The following MEOX2 variants were observed in gnomAD, a reference collection of about 807,000 sequenced individuals.
MEOX2 encodes homeobox protein MOX-2.
MEOX2 carries 11 observed loss-of-function variants against 27.0 expected under a neutral mutation model. That is an observed-to-expected ratio of 0.41 (90% CI 0.26 to 0.68). The LOEUF (loss-of-function observed/expected upper bound fraction) is 0.68, where lower values mean the gene tolerates loss of function less well. Among genes scored for constraint, MEOX2 ranks in the 30% least tolerant of loss-of-function variants. The pLI, the probability that MEOX2 is intolerant of heterozygous loss-of-function variation, is 0.33. For synonymous variants in MEOX2, 189 were observed against 155.4 expected (o/e 1.22, Z -1.61); for missense variants, 436 against 385.4 (o/e 1.13, Z -1.10).
chr7:15,662,317 G>T (rs1436847624), intron 1 of MEOX2, among the ~76,000 whole-genome samples: 2 of 151,760 alleles, frequency 1.3e-5, no homozygotes, highest in Non-Finnish European at 2.9e-5. Context: ...AGTTATAGGG[G>T]TTTTCAGTTC....
intron 1 of MEOX2, among the ~76,000 whole-genome samples, chr7:15,637,085 G>A (rs1781490516): frequency 6.6e-6 from 1 of 151,902 alleles, no homozygotes; most frequent in African/African-American, 2.4e-5. Flanking sequence ...ATATTCTGTT[G>A]GGTAAATTAT....
At chr7:15,684,277 CTGA>C (rs1231213987) in intron 1 of MEOX2, among the ~76,000 whole-genome samples, 1 of 152,148 alleles carries the variant, frequency 6.6e-6, no homozygotes, top group Non-Finnish European at 1.5e-5. Context: ...CAAAGTTACA[CTGA>C]TATCAAATGT....
intron 1 of MEOX2, among the ~76,000 whole-genome samples, chr7:15,678,510 A>G (rs1373967550): frequency 6.6e-6 from 1 of 152,210 alleles, no homozygotes; most frequent in African/African-American, 2.4e-5. Context: ...TTCATTGTTA[A>G]TTTGATAAGA....
chr7:15,657,034 G>T (rs1388863895), intron 1 of MEOX2, among the ~76,000 whole-genome samples: 1 of 151,852 alleles, frequency 6.6e-6, no homozygotes, highest in African/African-American at 2.4e-5. Flanking sequence ...TGACCTCCAT[G>T]GTTTTTAATG....
In MEOX2 at chr7:15,612,506, T is replaced by C; in HGVS notation, c.796A>G (p.Thr266Ala). ...EKELVNVKKG[T>A]LLPSELSGIG... ...CCCGACAGCTCTGATGGGAGAAGTG[T>C]TCCCTTTTTCACATTCACCAGTTCC... The change falls in exon 3 of 3, where the codon ACA becomes GCA. Residue 266 changes from threonine (T) to alanine (A), a missense_variant. Thr to Ala is a moderately conservative substitution (Grantham distance 58). Transcript: ENST00000262041. The C allele has an allele frequency of 6.2e-7, 1 of 1,614,120 alleles. No individual in the cohort carries two copies. The highest frequency in any genetic ancestry group is 1.1e-5 in the South Asian group (1 of 91,084).
chr7:15,685,820 C>A, intron 1 of MEOX2, 66 bp downstream of exon 1: 1 of 1,525,332 alleles, frequency 6.6e-7, no homozygotes, highest in South Asian at 1.3e-5. Flanking sequence ...GAGAATCTCC[C>A]CTAGTATCTC....
chr7:15,678,269 C>A (rs1362183093), intron 1 of MEOX2, among the ~76,000 whole-genome samples: 1 of 152,130 alleles, frequency 6.6e-6, no homozygotes, highest in Non-Finnish European at 1.5e-5. Context: ...CTCATTTTAT[C>A]TTTGAATAAT....
At chr7:15,661,520 A>G (rs1781917857) in intron 1 of MEOX2, among the ~76,000 whole-genome samples, 1 of 152,182 alleles carries the variant, frequency 6.6e-6, no homozygotes, top group African/African-American at 2.4e-5. Context: ...TCACTTTGCC[A>G]ATGGGAGGGA....
chr7:15,652,147 C>T (rs1781741084), intron 1 of MEOX2, among the ~76,000 whole-genome samples: 2 of 151,982 alleles, frequency 1.3e-5, no homozygotes, highest in African/African-American at 4.8e-5. Context: ...AATTCATTTT[C>T]GTTTGACTTT....
chr7:15,631,606 T>C (rs1583751491), intron 1 of MEOX2, among the ~76,000 whole-genome samples: 1 of 151,830 alleles, frequency 6.6e-6, no homozygotes, highest in South Asian at 2.1e-4. Context: ...TATTTAGGCT[T>C]ATGTTTACAC....
At chr7:15,673,693 A>G (rs575549812) in intron 1 of MEOX2, among the ~76,000 whole-genome samples, 1 of 152,102 alleles carries the variant, frequency 6.6e-6, no homozygotes, top group Non-Finnish European at 1.5e-5. Flanking sequence ...GTACCGATTA[A>G]GATGAGAGAT....
intron 1 of MEOX2, among the ~76,000 whole-genome samples, chr7:15,676,784 G>T (rs1160994426): frequency 2.0e-5 from 3 of 151,650 alleles, no homozygotes; most frequent in Non-Finnish European, 4.4e-5. Flanking sequence ...CTTGAACCCG[G>T]ACAGCAGAGG....
At chr7:15,655,737 T>C (rs1270172733) in intron 1 of MEOX2, among the ~76,000 whole-genome samples, 2 of 151,864 alleles carry the variant, frequency 1.3e-5, no homozygotes, top group Non-Finnish European at 3.0e-5. Flanking sequence ...ATTCCAATTC[T>C]TTTAAGTTTG....
intron 1 of MEOX2, among the ~76,000 whole-genome samples, chr7:15,658,727 C>A (rs1224363845): frequency 6.6e-6 from 1 of 152,062 alleles, no homozygotes; most frequent in African/African-American, 2.4e-5. Context: ...AGAAAAGATG[C>A]AAGAGAAATG....
intron 2 of MEOX2, among the ~76,000 whole-genome samples, chr7:15,620,011 G>C (rs953468810): frequency 2.0e-5 from 3 of 151,930 alleles, no homozygotes; most frequent in East Asian, 3.9e-4. Context: ...GTAGTTTTGA[G>C]TCTAGTTTTT....
At chr7:15,685,599 T>A (rs1273436027) in intron 1 of MEOX2, among the ~76,000 whole-genome samples, 1 of 152,182 alleles carries the variant, frequency 6.6e-6, no homozygotes, top group Admixed American at 6.5e-5. Context: ...CGCTTCACAA[T>A]CGATTTCACA....
At chr7:15,668,694 TC>T (rs1782049213) in intron 1 of MEOX2, among the ~76,000 whole-genome samples, 1 of 152,118 alleles carries the variant, frequency 6.6e-6, no homozygotes, top group Non-Finnish European at 1.5e-5. Context: ...CAGGCTCGTC[TC>T]GAACTCCTGA....
intron 1 of MEOX2, among the ~76,000 whole-genome samples, chr7:15,668,695 C>T (rs1317372586): frequency 6.6e-6 from 1 of 151,980 alleles, no homozygotes; most frequent in Non-Finnish European, 1.5e-5. Context: ...AGGCTCGTCT[C>T]GAACTCCTGA....
At chr7:15,632,624 G>C (rs570554331) in intron 1 of MEOX2, among the ~76,000 whole-genome samples, 1 of 151,946 alleles carries the variant, frequency 6.6e-6, no homozygotes, top group Admixed American at 6.6e-5. Flanking sequence ...TTAAAGGCCA[G>C]AGACACATAA....
Sources: gnomAD v4.1 joint callset for allele counts (sites outside exome capture counted in the v4.1 genomes callset) on GRCh38, gnomAD v4.1.1 for gene constraint, MANE v1.5 for transcripts, NCBI Gene and HGNC (gene_info 2026-07-23, HGNC 2026-07-21) for gene names.